DNAH9: variants seen among roughly 807,000 people sequenced by gnomAD.
The protein encoded by DNAH9 is DNAH9 variant protein.
In DNAH9, 345 loss-of-function variants were observed where a neutral mutation model predicts 471.6. The observed-to-expected ratio is 0.73, with a 90% CI of 0.67 to 0.80. The LOEUF (loss-of-function observed/expected upper bound fraction) is 0.80, where lower values mean the gene tolerates loss of function less well. DNAH9 is among the 30% of genes least tolerant of loss of function. The pLI is 0.00. For synonymous variants in DNAH9, 2,093 were observed against 2,123.6 expected, an observed-to-expected ratio of 0.99 and a Z score of 0.40; for missense variants, 5,407 against 5,609.2, an observed-to-expected ratio of 0.96 and a Z score of 1.15.
At chr17:11,873,066 C>G (rs1972346009) in intron 52 of DNAH9, among the ~76,000 whole-genome samples, 1 of 152,238 alleles carries the variant, frequency 6.6e-6, no homozygotes, top group African/African-American at 2.4e-5. Flanking sequence ...TTTCTCAGAT[C>G]AGCTCATAAA....
chr17:11,711,978 ATATT>A lies in DNAH9; in HGVS notation c.5552+6797_5552+6800del, dbSNP rs1567740433. On this transcript the variant is annotated intron_variant, in intron 26 of 68. Transcript: ENST00000262442. ...TATATAAATATATATATTTGTATAT[ATATT>A]TATATATAAATATATATATTTGTAT... Among the ~76,000 whole-genome samples the A allele has an allele frequency of 3.0e-4, 3 of 9,938 alleles. 1 individual carries two copies. The highest frequency in any genetic ancestry group is 4.7e-4 in the African/African-American group (2 of 4,212). The allele number at this position is 9,938 out of a possible 152,430, so 6.5% of individuals were successfully genotyped here. A position where few individuals can be genotyped will look rare whatever the true frequency, so the allele number is the denominator to read the frequency against.
intron 52 of DNAH9, among the ~76,000 whole-genome samples, chr17:11,874,352 G>A (rs1972393160): frequency 6.6e-6 from 1 of 152,146 alleles, no homozygotes; most frequent in Non-Finnish European, 1.5e-5. Context: ...GAGGCCACAG[G>A]CAAGTTCTCA....
At chr17:11,806,913 C>T (rs1247430718) in intron 43 of DNAH9, among the ~76,000 whole-genome samples, 2 of 151,976 alleles carry the variant, frequency 1.3e-5, no homozygotes, top group Non-Finnish European at 2.9e-5. Flanking sequence ...GTTAGACATA[C>T]GATTGGAAGC....
chr17:11,712,286 T>C (rs1446407132), intron 26 of DNAH9, among the ~76,000 whole-genome samples: 3 of 150,374 alleles, frequency 2.0e-5, no homozygotes, highest in Non-Finnish European at 4.4e-5. Flanking sequence ...AATTTCTGAA[T>C]AATATTCAAT....
chr17:11,616,002 C>T (rs1202876950), intron 4 of DNAH9, among the ~76,000 whole-genome samples: 1 of 152,174 alleles, frequency 6.6e-6, no homozygotes, highest in East Asian at 1.9e-4. Flanking sequence ...GATTCACATA[C>T]TGCTTTCCAC....
intron 50 of DNAH9, among the ~76,000 whole-genome samples, chr17:11,865,558 T>G (rs1254039676): frequency 6.6e-6 from 1 of 152,084 alleles, no homozygotes; most frequent in Admixed American, 6.6e-5. Flanking sequence ...TGAATCTGAA[T>G]GTTGGCCTGC....
intron 1 of DNAH9, among the ~76,000 whole-genome samples, chr17:11,601,207 C>T (rs915532491): frequency 6.6e-6 from 1 of 152,152 alleles, no homozygotes; most frequent in Non-Finnish European, 1.5e-5. Flanking sequence ...CCATCATAGA[C>T]ACTTAGGATG....
At chr17:11,871,070 A>G (rs906438865) in intron 51 of DNAH9, among the ~76,000 whole-genome samples, 7 of 152,138 alleles carry the variant, frequency 4.6e-5, no homozygotes, top group African/African-American at 1.7e-4. Context: ...TACCAACCCA[A>G]AGAGGGCTGG....
intron 49 of DNAH9, among the ~76,000 whole-genome samples, chr17:11,839,416 T>C (rs1970954215): frequency 6.6e-6 from 1 of 151,358 alleles, no homozygotes; most frequent in Non-Finnish European, 1.5e-5. Context: ...CTCGGGAGGC[T>C]GAGGCAGAGG....
At chr17:11,950,527 G>C (rs113061554) in intron 67 of DNAH9, among the ~76,000 whole-genome samples, 200 of 152,118 alleles carry the variant, frequency 1.3e-3, no homozygotes, top group Middle Eastern at 6.8e-3. Context: ...AACCACACCC[G>C]ACTAACTTTT....
At position 11,865,275 on chromosome 17, in the gene DNAH9, A is replaced by G. The variant is rs1215994917; in HGVS notation, c.9934-3859A>G. Among the ~76,000 whole-genome samples, 4 of 152,118 alleles carry G rather than the reference A, an allele frequency of 2.6e-5. No homozygotes were observed. The East Asian group carries it at 7.7e-4, about 29-fold the overall frequency. On this transcript the variant is annotated intron_variant, in intron 50 of 68. Transcript: ENST00000262442. ...AAAGTATTTTATTTCTCCTTCACTT[A>G]TGAAGCTTAGTTTGGCTGGATATGA...
Position 11,744,943 on chromosome 17 carries a change from C to T in DNAH9, c.6258C>T (p.Asp2086=). 2 of 1,614,220 alleles carry T rather than the reference C, an allele frequency of 1.2e-6. No individual in the cohort carries two copies. The highest frequency in any genetic ancestry group is 1.1e-5 in the South Asian group (1 of 91,086). Reference sequence around the variant, plus strand: ...ACATCCCCAAGATTGTGACTGATGACATGCCCATCTTCATGGGCCTGATCG... The same window carrying T: ...ACATCCCCAAGATTGTGACTGATGATATGCCCATCTTCATGGGCCTGATCG... ...DFNIPKIVTD[D]MPIFMGLIGD... Residue 2086 remains aspartate (D), a synonymous_variant, in exon 31 of 69, where the codon GAC becomes GAT. Transcript: ENST00000262442.
At chr17:11,608,946 A>AT (rs1192879043) in intron 2 of DNAH9, among the ~76,000 whole-genome samples, 1 of 152,150 alleles carries the variant, frequency 6.6e-6, no homozygotes, top group East Asian at 1.9e-4. Context: ...TCTGTTTACC[A>AT]TGCTGACTTT....
At chr17:11,756,510 A>T (rs1417015902) in intron 33 of DNAH9, 58 bp from the exon 34 acceptor site, 3 of 955,876 alleles carry the variant, frequency 3.1e-6, no homozygotes, top group African/African-American at 3.2e-5. Flanking sequence ...AAATCCCCAC[A>T]GGCTGGCAAG....
At position 11,937,542 on chromosome 17, in the gene DNAH9, C is replaced by G; in HGVS notation, c.12660+20C>G. On this transcript the variant is annotated intron_variant, in intron 66 of 68. Transcript: ENST00000262442. The surrounding 1 kb of genome is among the most constrained non-coding windows in gnomAD (Gnocchi z 4.1). ...GAAAAGGTGTGTGTGGTGGGGACTG[C>G]CTGAGGTCGTTCTGGGGGACCCCGA... The G allele has an allele frequency of 1.3e-6, 2 of 1,587,630 alleles. No homozygotes were observed. Among genetic ancestry groups the G allele is most frequent in the East Asian group, 2.2e-5 (1 of 44,488 alleles).
intron 68 of DNAH9, among the ~76,000 whole-genome samples, chr17:11,968,042 C>G (rs571551252): frequency 6.6e-6 from 1 of 152,310 alleles, no homozygotes; most frequent in South Asian, 2.1e-4. Context: ...GCTGTCAATA[C>G]ATCCTGTTAA....
intron 10 of DNAH9, among the ~76,000 whole-genome samples, chr17:11,643,822 C>T (rs981164657): frequency 2.0e-5 from 3 of 152,214 alleles, no homozygotes; most frequent in Non-Finnish European, 2.9e-5. Flanking sequence ...GGCTACAAAC[C>T]TGTGCAGCGA....
At chr17:11,691,886 C>T (rs1412044921) in intron 20 of DNAH9, among the ~76,000 whole-genome samples, 4 of 152,124 alleles carry the variant, frequency 2.6e-5, no homozygotes, top group African/African-American at 4.8e-5. Flanking sequence ...TCACTGCAAC[C>T]TCTGCCTCCT....
At position 11,962,162 on chromosome 17, in the gene DNAH9, T is replaced by G; in HGVS notation, c.13139T>G (p.Met4380Arg). Residue 4380 changes from methionine to arginine, a missense_variant, in exon 68 of 69, where the codon ATG (methionine) becomes AGG (arginine). Physicochemically the swap from Met to Arg is moderately conservative, Grantham distance 91 (BLOSUM62 -1). Transcript: ENST00000262442. This position sits in a 1 kb window ranked among gnomAD's most constrained non-coding sequence, Gnocchi z 4.1. ...GACCAGATGGCCCTGCAATGTGACA[T>G]GACGAAGAAGAACAGAGAAGAGTTT... Reference protein sequence around the residue: ...PLDQMALQCDMTKKNREEFRS... With the variant: ...PLDQMALQCDRTKKNREEFRS... 6.2e-7 allele frequency: 1 copy of G among 1,614,042 alleles called. No homozygotes were observed. Among genetic ancestry groups the G allele is most frequent in the Non-Finnish European group, 8.5e-7 (1 of 1,180,028 alleles).
Sources: allele counts gnomAD v4.1 joint callset (sites outside exome capture counted in the v4.1 genomes callset), GRCh38; gene constraint gnomAD v4.1.1; non-coding constraint Gnocchi (gnomAD v3.1); transcripts MANE v1.5; gene names NCBI Gene and HGNC (gene_info 2026-07-23, HGNC 2026-07-21).